Variants in NECAB1 observed in about 807,000 individuals in gnomAD.
The protein encoded by NECAB1 is N-terminal EF-hand calcium binding protein 1, also known as N-terminal EF-hand calcium-binding protein 1.
Under a neutral mutation model 57.5 loss-of-function variants are expected in NECAB1, and 29 were observed. That is an observed-to-expected ratio of 0.50 (90% CI 0.38 to 0.69). The LOEUF is 0.69. NECAB1 is among the 30% of genes least tolerant of loss of function. The probability of loss-of-function intolerance (pLI) is 0.00; values close to 1 mark genes in which losing one functional copy is unlikely to be tolerated. For synonymous variants in NECAB1, 142 were observed against 147.7 expected, an observed-to-expected ratio of 0.96 and a Z score of 0.28; for missense variants, 372 against 413.8, an observed-to-expected ratio of 0.90 and a Z score of 0.88.
In NECAB1 at chr8:90,824,808, T is replaced by C. The variant is rs1227944528; in HGVS notation, c.216T>C (p.Ile72=). 14 of 1,539,564 alleles carry C rather than the reference T, an allele frequency of 9.1e-6. No homozygotes were observed. The highest frequency in any genetic ancestry group is 1.7e-4 in the Middle Eastern group (1 of 5,954). ...GEELHELFHT[I]DTHNTNNLDT... is the part of the protein sequence containing the mutation. Reference sequence around the variant, plus strand: ...AATTACACGAGCTTTTCCATACCATTGATACACATAATACTAAGTAAGAAA... The same window carrying C: ...AATTACACGAGCTTTTCCATACCATCGATACACATAATACTAAGTAAGAAA... Residue 72 remains isoleucine (I), a synonymous_variant, in exon 3 of 13, where the codon ATT becomes ATC. Transcript: ENST00000417640.
intron 2 of NECAB1, among the ~76,000 whole-genome samples, chr8:90,805,420 G>C (rs570309311): frequency 7.2e-6 from 1 of 138,584 alleles, no homozygotes; most frequent in South Asian, 2.6e-4. Context: ...TGACAAAAAA[G>C]AGAAGCTGCT....
chr8:90,909,280 A>T (rs1391729502), intron 5 of NECAB1, among the ~76,000 whole-genome samples: 1 of 152,098 alleles, frequency 6.6e-6, no homozygotes, highest in East Asian at 1.9e-4. Context: ...TATATGGTCT[A>T]TGAACATAGT....
chr8:90,846,235 A>G (rs1812556189), intron 3 of NECAB1, among the ~76,000 whole-genome samples: 1 of 152,254 alleles, frequency 6.6e-6, no homozygotes, highest in African/African-American at 2.4e-5. Context: ...GCATTTCAAT[A>G]GGTACCCTTT....
intron 11 of NECAB1, among the ~76,000 whole-genome samples, chr8:90,950,157 G>T (rs972987436): frequency 6.6e-6 from 1 of 152,088 alleles, no homozygotes; most frequent in Non-Finnish European, 1.5e-5. Context: ...ATAGATAGGG[G>T]GTATGAGTGT....
chr8:90,921,997 G>A (rs1313688958), intron 6 of NECAB1, among the ~76,000 whole-genome samples: 1 of 152,240 alleles, frequency 6.6e-6, no homozygotes, highest in East Asian at 1.9e-4. Flanking sequence ...TGCCACAGAG[G>A]TGGAATTTTC....
At chr8:90,803,158 A>G (rs1811789874) in intron 2 of NECAB1, among the ~76,000 whole-genome samples, 1 of 152,162 alleles carries the variant, frequency 6.6e-6, no homozygotes, top group Non-Finnish European at 1.5e-5. Context: ...CGGCCTCCCA[A>G]AGTGCCGGGA....
At chr8:90,943,341 G>T (rs182436634) in intron 10 of NECAB1, among the ~76,000 whole-genome samples, 2 of 152,048 alleles carry the variant, frequency 1.3e-5, no homozygotes, top group Non-Finnish European at 2.9e-5. Flanking sequence ...ACAATTCTTC[G>T]TTCACTTCTT....
chr8:90,902,015 T>C (rs1809514983), intron 5 of NECAB1, among the ~76,000 whole-genome samples: 1 of 152,212 alleles, frequency 6.6e-6, no homozygotes, highest in African/African-American at 2.4e-5. Context: ...CAGTTATATT[T>C]ACAAAGGAAT....
intron 4 of NECAB1, among the ~76,000 whole-genome samples, chr8:90,872,746 A>G (rs1808642538): frequency 6.6e-6 from 1 of 152,208 alleles, no homozygotes; most frequent in Non-Finnish European, 1.5e-5. Flanking sequence ...TTTTATGAAA[A>G]AATAGAACAT....
intron 5 of NECAB1, among the ~76,000 whole-genome samples, chr8:90,907,884 C>A (rs1362381060): frequency 3.9e-5 from 6 of 152,022 alleles, no homozygotes; most frequent in African/African-American, 1.4e-4. Flanking sequence ...AAAATTAAAT[C>A]CAGAAATGTG....
intron 3 of NECAB1, among the ~76,000 whole-genome samples, chr8:90,841,182 C>A (rs774282491): frequency 6.6e-6 from 1 of 151,664 alleles, no homozygotes; most frequent in Non-Finnish European, 1.5e-5. Context: ...ATGGTGTGAA[C>A]CTGGGAGGCG....
chr8:90,878,283 C>G (rs1808767074), intron 4 of NECAB1, among the ~76,000 whole-genome samples: 1 of 152,158 alleles, frequency 6.6e-6, no homozygotes, highest in East Asian at 1.9e-4. Context: ...TGTCTTTTCA[C>G]CTTTGTATTC....
intron 9 of NECAB1, chr8:90,940,104 A>T (rs968529386): frequency 6.6e-6 from 1 of 152,260 alleles, no homozygotes; most frequent in Non-Finnish European, 1.5e-5. Flanking sequence ...TACAATTGCT[A>T]TAATGCTAAT....
At chr8:90,834,054 T>C (rs1479631438) in intron 3 of NECAB1, among the ~76,000 whole-genome samples, 1 of 150,906 alleles carries the variant, frequency 6.6e-6, no homozygotes, top group Non-Finnish European at 1.5e-5. Flanking sequence ...TCCCAGCTAC[T>C]TGGGAGGCTA....
intron 10 of NECAB1, among the ~76,000 whole-genome samples, chr8:90,941,594 T>C (rs1810671839): frequency 6.6e-6 from 1 of 152,222 alleles, no homozygotes; most frequent in Non-Finnish European, 1.5e-5. Context: ...AACTCTCTAA[T>C]GAGTATCTTA....
At chr8:90,930,958 G>C (rs1271653063) in intron 8 of NECAB1, among the ~76,000 whole-genome samples, 1 of 152,116 alleles carries the variant, frequency 6.6e-6, no homozygotes, top group African/African-American at 2.4e-5. Context: ...GGACAAAACT[G>C]TCTTTATTTG....
intron 3 of NECAB1, among the ~76,000 whole-genome samples, chr8:90,832,109 T>G (rs891589217): frequency 6.6e-6 from 1 of 152,194 alleles, no homozygotes; most frequent in African/African-American, 2.4e-5. Flanking sequence ...TTAGGTCTGC[T>G]TTTCACTTCA....
At chr8:90,813,402 T>G (rs1812001750) in intron 2 of NECAB1, among the ~76,000 whole-genome samples, 1 of 151,992 alleles carries the variant, frequency 6.6e-6, no homozygotes, top group Non-Finnish European at 1.5e-5. Flanking sequence ...TAAATATATG[T>G]TATATTTCAA....
At chr8:90,947,515 C>T (rs1390253760) in intron 10 of NECAB1, among the ~76,000 whole-genome samples, 1 of 151,736 alleles carries the variant, frequency 6.6e-6, no homozygotes, top group Non-Finnish European at 1.5e-5. Context: ...ATTCTCCTGC[C>T]TCAGCCTCCT....
Sources: gnomAD v4.1 joint callset for allele counts (sites outside exome capture counted in the v4.1 genomes callset) on GRCh38, gnomAD v4.1.1 for gene constraint, MANE v1.5 for transcripts, NCBI Gene and HGNC (gene_info 2026-07-23, HGNC 2026-07-21) for gene names.